STXBP5L: variants seen among roughly 807,000 people sequenced by gnomAD.
The protein encoded by STXBP5L is syntaxin-binding protein 5-like.
A neutral mutation model predicts 144.5 loss-of-function variants in STXBP5L; 65 were observed. The ratio of observed to expected loss-of-function variants is 0.45; its 90% CI spans 0.37 to 0.55. The LOEUF is 0.55. STXBP5L is among the 20% of genes least tolerant of loss of function. The pLI is 0.00. For missense variants in STXBP5L, 1,298 were observed against 1,405.5 expected (o/e 0.92, Z 1.22); for synonymous variants, 505 against 469.6 (o/e 1.08, Z -0.97).
rs760983801 is a variant in STXBP5L, at chr3:121,399,691, A to C, written c.2588-7552A>C. Among the ~76,000 whole-genome samples, 94 of 152,220 alleles carry C rather than the reference A, an allele frequency of 6.2e-4. 1 individual carries two copies. The highest frequency in any genetic ancestry group is 3.3e-4 in the Admixed American group (5 of 15,284). On this transcript the variant is annotated intron_variant, in intron 22 of 26. Coordinates refer to ENST00000471454, the MANE Select transcript of STXBP5L (RefSeq NM_001308330.2). ...CTCATGCTATTGTTTGTGGCTTAAG[A>C]ATACCTTTAAGCAGTTTTCGGCCCT...
At chr3:121,085,248 T>C (rs761321664) in intron 5 of STXBP5L, among the ~76,000 whole-genome samples, 2 of 152,230 alleles carry the variant, frequency 1.3e-5, no homozygotes, top group Non-Finnish European at 2.9e-5. Flanking sequence ...ATTTTTGTTT[T>C]TGTTGCAGTT....
intron 3 of STXBP5L, among the ~76,000 whole-genome samples, chr3:121,033,586 A>AAC (rs397990941): frequency 6.7e-6 from 1 of 149,428 alleles, no homozygotes. Context: ...AAAAAAAAAA[A>AAC]CATTAAAAAA....
intron 3 of STXBP5L, among the ~76,000 whole-genome samples, chr3:120,975,525 T>C (rs967066703): frequency 2.0e-5 from 3 of 152,202 alleles, no homozygotes; most frequent in African/African-American, 7.2e-5. Flanking sequence ...CCTAATTGAA[T>C]ACCCTTTATT....
chr3:121,045,233 A>G (rs1365667655), intron 4 of STXBP5L, among the ~76,000 whole-genome samples: 2 of 152,168 alleles, frequency 1.3e-5, no homozygotes, highest in African/African-American at 4.8e-5. Context: ...GACCGTTGAA[A>G]TGCAGTGGGT....
At chr3:121,065,350 T>C (rs752681969) in intron 5 of STXBP5L, among the ~76,000 whole-genome samples, 5 of 152,122 alleles carry the variant, frequency 3.3e-5, no homozygotes, top group Admixed American at 1.3e-4. Flanking sequence ...GGTAGTTGTA[T>C]ATACATATTT....
chr3:121,271,674 C>A (rs748170499), intron 18 of STXBP5L, among the ~76,000 whole-genome samples: 20 of 152,112 alleles, frequency 1.3e-4, no homozygotes, highest in Non-Finnish European at 2.4e-4. Flanking sequence ...CTTTTGGATT[C>A]TTCTAAGAAA....
chr3:121,115,839 G>A (rs778247120), intron 6 of STXBP5L, among the ~76,000 whole-genome samples: 3 of 152,108 alleles, frequency 2.0e-5, no homozygotes, highest in Non-Finnish European at 2.9e-5. Flanking sequence ...AAGAGGAGGA[G>A]TTAGGGGGAG....
At chr3:121,395,942 C>T (rs4369975) in intron 22 of STXBP5L, among the ~76,000 whole-genome samples, 20,295 of 152,210 alleles carry the variant, frequency 0.13, 1,860 homozygotes, top group East Asian at 0.5. Context: ...ATCTCTTCCT[C>T]GGCATCTGGC....
intron 10 of STXBP5L, among the ~76,000 whole-genome samples, chr3:121,214,540 A>G (rs2048703882): frequency 6.6e-6 from 1 of 152,292 alleles, no homozygotes; most frequent in South Asian, 2.1e-4. Context: ...CTCAATCCTG[A>G]GTTCTAATTT....
intron 3 of STXBP5L, among the ~76,000 whole-genome samples, chr3:121,039,749 TTC>T (rs1193467073): frequency 1.3e-5 from 2 of 151,194 alleles, no homozygotes; most frequent in Non-Finnish European, 2.9e-5. Context: ...TCCCTCCTCT[TTC>T]TCTTTTTTAT....
intron 6 of STXBP5L, among the ~76,000 whole-genome samples, chr3:121,120,430 A>G (rs1001772665): frequency 2.6e-5 from 4 of 151,316 alleles, no homozygotes; most frequent in African/African-American, 9.7e-5. Flanking sequence ...GAATGCAAAT[A>G]GTAACTCTAA....
chr3:121,403,908 A>G (rs1250797474), intron 22 of STXBP5L, among the ~76,000 whole-genome samples: 2 of 152,082 alleles, frequency 1.3e-5, no homozygotes, highest in Non-Finnish European at 2.9e-5. Context: ...CCTCCATTTC[A>G]GTGGACTTAA....
intron 22 of STXBP5L, among the ~76,000 whole-genome samples, chr3:121,382,608 G>T (rs1299048857): frequency 6.6e-6 from 1 of 151,902 alleles, no homozygotes; most frequent in African/African-American, 2.4e-5. Context: ...TATGTACCGG[G>T]CATTCCTCAC....
At chr3:121,370,014 G>A (rs905273656) in intron 20 of STXBP5L, among the ~76,000 whole-genome samples, 3 of 152,096 alleles carry the variant, frequency 2.0e-5, no homozygotes, top group African/African-American at 7.2e-5. Context: ...TGAATAATGG[G>A]GGTGGACTTC....
intron 19 of STXBP5L, among the ~76,000 whole-genome samples, chr3:121,287,870 T>A (rs2051287416): frequency 6.6e-6 from 1 of 152,032 alleles, no homozygotes; most frequent in Non-Finnish European, 1.5e-5. Flanking sequence ...CAGAAAACAT[T>A]GCTAAGAAAA....
chr3:121,291,448 T>C (rs949940782), intron 19 of STXBP5L, among the ~76,000 whole-genome samples: 3 of 151,948 alleles, frequency 2.0e-5, no homozygotes, highest in Non-Finnish European at 4.4e-5. Flanking sequence ...CATGGATGGG[T>C]AGACTCAATA....
At chr3:120,938,681 T>C (rs1391244943) in intron 2 of STXBP5L, among the ~76,000 whole-genome samples, 1 of 152,186 alleles carries the variant, frequency 6.6e-6, no homozygotes, top group African/African-American at 2.4e-5. Flanking sequence ...CGAGATGGGA[T>C]CAAACTACTG....
intron 5 of STXBP5L, among the ~76,000 whole-genome samples, chr3:121,047,494 T>C (rs1947599445): frequency 6.6e-6 from 1 of 152,170 alleles, no homozygotes; most frequent in Non-Finnish European, 1.5e-5. Flanking sequence ...TCTAAGTCTC[T>C]TTGTAGGTCT....
intron 7 of STXBP5L, among the ~76,000 whole-genome samples, chr3:121,138,784 C>T (rs936297137): frequency 4.0e-5 from 6 of 151,360 alleles, no homozygotes; most frequent in Admixed American, 2.0e-4. Context: ...AGTGTAAATC[C>T]TTAAACTATT....
Sources: gnomAD v4.1 joint callset for allele counts (sites outside exome capture counted in the v4.1 genomes callset) on GRCh38, gnomAD v4.1.1 for gene constraint, MANE v1.5 for transcripts, NCBI Gene and HGNC (gene_info 2026-07-23, HGNC 2026-07-21) for gene names.